Variants in DGKI observed in about 807,000 individuals in gnomAD.
The protein encoded by DGKI is diacylglycerol kinase iota, also known as DAG kinase iota.
In DGKI, 55 loss-of-function variants were observed where a neutral mutation model predicts 147.5. The ratio of observed to expected loss-of-function variants is 0.37; its 90% CI spans 0.30 to 0.47. DGKI has a LOEUF of 0.47. Ranked by LOEUF, DGKI falls within the 20% of genes least tolerant of loss-of-function variation. DGKI has a pLI of 1.00. For missense variants in DGKI, 1,007 were observed against 1,323.8 expected (o/e 0.76, Z 3.71); for synonymous variants, 469 against 477.1 (o/e 0.98, Z 0.22).
chr7:137,843,327 A>T (rs148430986), intron 1 of DGKI: 1 of 651,560 alleles, frequency 1.5e-6, no homozygotes. Flanking sequence ...ACACATATGT[A>T]TCTGTTGCAG....
intron 3 of DGKI, among the ~76,000 whole-genome samples, chr7:137,661,057 T>A (rs1822408860): frequency 6.6e-6 from 1 of 152,136 alleles, no homozygotes; most frequent in Admixed American, 6.5e-5. Flanking sequence ...AGGCTGGCTG[T>A]CCCCTTCTGA....
chr7:137,551,324 A>G (rs1415629456), intron 20 of DGKI, among the ~76,000 whole-genome samples: 1 of 152,142 alleles, frequency 6.6e-6, no homozygotes, highest in African/African-American at 2.4e-5. Context: ...GTAGTGAATG[A>G]GGGCACCTGT....
intron 20 of DGKI, among the ~76,000 whole-genome samples, chr7:137,523,386 C>A (rs886501645): frequency 1.3e-5 from 2 of 152,064 alleles, no homozygotes; most frequent in African/African-American, 4.8e-5. Context: ...ACATATCAAA[C>A]TATAGATACA....
intron 27 of DGKI, among the ~76,000 whole-genome samples, chr7:137,445,146 C>T (rs1055976243): frequency 6.6e-6 from 1 of 152,032 alleles, no homozygotes; most frequent in Non-Finnish European, 1.5e-5. Flanking sequence ...TCAGTCAATA[C>T]AAAAATGGTT....
intron 1 of DGKI, among the ~76,000 whole-genome samples, chr7:137,818,054 G>A (rs745803360): frequency 2.6e-5 from 4 of 152,062 alleles, no homozygotes; most frequent in South Asian, 4.2e-4. Flanking sequence ...TATAGAAACC[G>A]TTTATTCCAT....
chr7:137,447,272 A>T (rs1813753204), intron 27 of DGKI, among the ~76,000 whole-genome samples: 1 of 152,202 alleles, frequency 6.6e-6, no homozygotes, highest in South Asian at 2.1e-4. Context: ...AGACCCTATT[A>T]TTACCAGGCC....
intron 1 of DGKI, among the ~76,000 whole-genome samples, chr7:137,691,799 T>G (rs992847268): frequency 1.2e-4 from 10 of 84,568 alleles, no homozygotes; most frequent in South Asian, 3.7e-4. Flanking sequence ...GACCTTTGGG[T>G]TTTTTTTTTT....
At chr7:137,519,027 T>C (rs1213453739) in intron 21 of DGKI, among the ~76,000 whole-genome samples, 1 of 152,024 alleles carries the variant, frequency 6.6e-6, no homozygotes, top group African/African-American at 2.4e-5. Context: ...TATCTGAGGG[T>C]TGATAAATCC....
intron 1 of DGKI, among the ~76,000 whole-genome samples, chr7:137,821,217 T>A (rs139024016): frequency 2.0e-5 from 3 of 152,256 alleles, no homozygotes; most frequent in African/African-American, 7.2e-5. Flanking sequence ...CAGCTTCACG[T>A]CCGTAGTTAC....
intron 28 of DGKI, among the ~76,000 whole-genome samples, chr7:137,413,962 A>G (rs1332532488): frequency 6.6e-6 from 1 of 152,164 alleles, no homozygotes; most frequent in Non-Finnish European, 1.5e-5. Flanking sequence ...TTTGGCTTTC[A>G]AAAAATAGAT....
At chr7:137,659,009 C>T (rs144816940) in intron 3 of DGKI, among the ~76,000 whole-genome samples, 26 of 152,232 alleles carry the variant, frequency 1.7e-4, no homozygotes, top group African/African-American at 6.0e-4. Flanking sequence ...AACTTATGTG[C>T]CTTTTGAGGC....
At chr7:137,839,601 G>A (rs1798488951) in intron 1 of DGKI, among the ~76,000 whole-genome samples, 1 of 152,192 alleles carries the variant, frequency 6.6e-6, no homozygotes, top group Non-Finnish European at 1.5e-5. Flanking sequence ...AACTTTTGCA[G>A]GCACACAGCA....
intron 11 of DGKI, among the ~76,000 whole-genome samples, chr7:137,598,314 C>G (rs957001950): frequency 6.6e-6 from 1 of 152,126 alleles, no homozygotes; most frequent in Non-Finnish European, 1.5e-5. Flanking sequence ...TATATCCCCT[C>G]TTTATATTTA....
rs544288725 is a variant in DGKI, at chr7:137,577,803, G to A, written c.1698+467C>T. Among the ~76,000 whole-genome samples the A allele has an allele frequency of 1.6e-4, 24 of 152,234 alleles. No homozygotes were observed. The South Asian group carries it at 4.4e-3, about 28-fold the overall frequency. On this transcript the variant is annotated intron_variant, in intron 16 of 32. Coordinates refer to ENST00000614521, the MANE Select transcript of DGKI (RefSeq NM_001321708.2). ...GAACGTGCCTGAGAAACAAAAGAAG[G>A]AAAAAGAAGGCACTCCCTTTAACCT...
intron 3 of DGKI, among the ~76,000 whole-genome samples, chr7:137,660,630 A>G (rs1822391319): frequency 6.6e-6 from 1 of 152,168 alleles, no homozygotes; most frequent in Non-Finnish European, 1.5e-5. Context: ...ATTAATATTG[A>G]ATCCTATCCC....
At chr7:137,517,961 T>C (rs1247034014) in intron 21 of DGKI, among the ~76,000 whole-genome samples, 1 of 152,122 alleles carries the variant, frequency 6.6e-6, no homozygotes, top group Non-Finnish European at 1.5e-5. Context: ...TTCAATTCTA[T>C]TTTTGAAAGT....
chr7:137,835,316 CG>C (rs1366020369), intron 1 of DGKI, among the ~76,000 whole-genome samples: 1 of 152,196 alleles, frequency 6.6e-6, no homozygotes, highest in East Asian at 1.9e-4. Context: ...GTGCGGCTCA[CG>C]GAAGTCTGGT....
chr7:137,408,976 C>A (rs868286687), intron 29 of DGKI, among the ~76,000 whole-genome samples: 4 of 152,168 alleles, frequency 2.6e-5, no homozygotes, highest in Middle Eastern at 3.2e-3. Context: ...TATAGATAAT[C>A]AAACATCCCA....
chr7:137,485,067 C>G (rs1357756587), intron 23 of DGKI, among the ~76,000 whole-genome samples: 1 of 151,932 alleles, frequency 6.6e-6, no homozygotes, highest in African/African-American at 2.4e-5. Flanking sequence ...CTTATGTGAA[C>G]CAAGAGACCC....
Sources: allele counts gnomAD v4.1 joint callset (sites outside exome capture counted in the v4.1 genomes callset), GRCh38; gene constraint gnomAD v4.1.1; transcripts MANE v1.5; gene names NCBI Gene and HGNC (gene_info 2026-07-23, HGNC 2026-07-21).